The following RYR2 variants were observed in gnomAD, a reference collection of about 807,000 sequenced individuals.
The protein encoded by RYR2 is ryanodine receptor 2, also known as cardiac muscle ryanodine receptor-calcium release channel.
A neutral mutation model predicts 601.1 loss-of-function variants in RYR2; 227 were observed. That is an observed-to-expected ratio of 0.38 (90% CI 0.34 to 0.42). RYR2 has a LOEUF of 0.42. Among genes scored for constraint, RYR2 ranks in the 10% least tolerant of loss-of-function variants. RYR2 has a pLI of 1.00. For synonymous variants in RYR2, 2,223 were observed against 2,175.1 expected (o/e 1.02, Z -0.61); for missense variants, 4,646 against 6,156.5 (o/e 0.75, Z 8.21).
At chr1:237,664,664 G>A (rs931822661) in intron 56 of RYR2, among the ~76,000 whole-genome samples, 1 of 152,144 alleles carries the variant, frequency 6.6e-6, no homozygotes, top group African/African-American at 2.4e-5. Flanking sequence ...GACAATATGA[G>A]GGAATTATGG....
In RYR2 at chr1:237,447,805, T is replaced by C. The variant is rs538729953; in HGVS notation, c.1292+2283T>C. On this transcript the variant is annotated intron_variant, in intron 14 of 104. Transcript: ENST00000366574. ...TCTCCTCCCTCCTTTCCTTCCCTCC[T>C]TCCTTCCTTCCATCCTTTCCTCCCT... is the stretch of plus-strand genomic sequence containing the variant. Among the ~76,000 whole-genome samples the C allele has an allele frequency of 5.4e-4, 81 of 151,122 alleles. 1 individual carries two copies. The Middle Eastern group carries it at 0.01, about 19-fold the overall frequency.
chr1:237,484,597 G>A (rs899987965), intron 17 of RYR2, among the ~76,000 whole-genome samples: 8 of 152,186 alleles, frequency 5.3e-5, no homozygotes, highest in African/African-American at 1.7e-4. Flanking sequence ...AGCCTACGTA[G>A]AGCACTCTTG....
At chr1:237,390,703 G>A (rs1029933130) in intron 10 of RYR2, among the ~76,000 whole-genome samples, 12 of 151,990 alleles carry the variant, frequency 7.9e-5, no homozygotes, top group African/African-American at 2.9e-4. Context: ...GAAATCTAGG[G>A]GACATTTCAA....
chr1:237,817,942 C>A (rs545668018), intron 100 of RYR2, among the ~76,000 whole-genome samples: 12 of 152,156 alleles, frequency 7.9e-5, no homozygotes, highest in Admixed American at 2.6e-4. Context: ...TTAATTTAGG[C>A]CCTACAGGAT....
chr1:237,059,182 C>T lies in RYR2; in HGVS notation c.48+16613C>T, dbSNP rs140872616. Among the ~76,000 whole-genome samples the T allele has an allele frequency of 2.4e-4, 36 of 152,166 alleles. No homozygotes were observed. In the East Asian group the frequency reaches 6.8e-3, roughly 29 times the overall value. ...TTCCCTCTAAATGGGCAAACTAAAG[C>T]CCACAGTTTTGTTAAGAGGGTGCTG... On this transcript the variant is annotated intron_variant, in intron 1 of 104. Coordinates refer to ENST00000366574, the MANE Select transcript of RYR2 (RefSeq NM_001035.3).
rs199624074 is a variant in RYR2 at position 237,792,141 on chromosome 1, C to T, written c.13600C>T (p.Pro4534Ser). ...TTCTGTGGTTGAAGGAAAGGAGCTC[C>T]CCACGAGAAGTTCAAGTGAAAATGC... is the stretch of plus-strand genomic sequence containing the variant. Reference protein sequence around the residue: ...TSSVVEGKELPTRSSSENAKV... With the variant: ...TSSVVEGKELSTRSSSENAKV... Residue 4534 changes from proline to serine, a missense_variant, in exon 94 of 105, where the codon CCC becomes TCC. Physicochemically the swap from Pro to Ser is moderately conservative, Grantham distance 74. Transcript: ENST00000366574. 1.4e-5 allele frequency: 23 copies of T among 1,606,942 alleles called. No homozygotes were observed. The highest frequency in any genetic ancestry group is 6.8e-5 in the Admixed American group (4 of 58,942).
chr1:237,192,270 G>A (rs1680046828), intron 1 of RYR2, among the ~76,000 whole-genome samples: 1 of 152,064 alleles, frequency 6.6e-6, no homozygotes, highest in African/African-American at 2.4e-5. Context: ...GTGCAATGGT[G>A]TGATCTTGGT....
At chr1:237,148,229 C>A (rs2485581) in intron 1 of RYR2, among the ~76,000 whole-genome samples, 176 of 152,060 alleles carry the variant, frequency 1.2e-3, no homozygotes, top group Middle Eastern at 3.4e-3. Flanking sequence ...GATTGGTTTT[C>A]ACTGAAATAC....
At chr1:237,715,191 T>C (rs528957133) in intron 71 of RYR2, among the ~76,000 whole-genome samples, 45 of 152,208 alleles carry the variant, frequency 3.0e-4, no homozygotes, top group African/African-American at 1.1e-3. Context: ...TTTAAATTAT[T>C]GAGCTGCGCC....
chr1:237,725,294 T>C (rs1476629331), intron 74 of RYR2, among the ~76,000 whole-genome samples: 3 of 152,096 alleles, frequency 2.0e-5, no homozygotes, highest in Non-Finnish European at 4.4e-5. Context: ...AAAGAAATTG[T>C]CGATTATCAA....
At chr1:237,414,376 A>G (rs1704741421) in intron 10 of RYR2, among the ~76,000 whole-genome samples, 1 of 152,214 alleles carries the variant, frequency 6.6e-6, no homozygotes, top group Non-Finnish European at 1.5e-5. Flanking sequence ...TGGACCATCA[A>G]CATCACCTGG....
chr1:237,236,025 A>G (rs1004815692), intron 1 of RYR2, among the ~76,000 whole-genome samples: 2 of 152,234 alleles, frequency 1.3e-5, no homozygotes, highest in African/African-American at 4.8e-5. Flanking sequence ...TGGTGCCTCT[A>G]TGAGCACATA....
At chr1:237,467,187 T>C (rs1660177651) in intron 16 of RYR2, among the ~76,000 whole-genome samples, 1 of 148,100 alleles carries the variant, frequency 6.8e-6, no homozygotes, top group Non-Finnish European at 1.5e-5. Context: ...ATATATTATA[T>C]ATATACCTAT....
intron 86 of RYR2, 62 bp from the exon 87 acceptor site, chr1:237,773,458 G>T: frequency 1.6e-6 from 2 of 1,227,770 alleles, no homozygotes; most frequent in Non-Finnish European, 1.2e-6. Flanking sequence ...TCCAAGACTG[G>T]TTAGTCAATG....
At chr1:237,606,135 G>C (rs200313107) in intron 35 of RYR2, among the ~76,000 whole-genome samples, 29,306 of 151,174 alleles carry the variant, frequency 0.19, 3,129 homozygotes, top group East Asian at 0.46. Flanking sequence ...AAAGAACAAA[G>C]CTGGAGGCAT....
intron 6 of RYR2, among the ~76,000 whole-genome samples, chr1:237,369,924 GT>G (rs1700505407): frequency 6.6e-6 from 1 of 152,062 alleles, no homozygotes; most frequent in African/African-American, 2.4e-5. Flanking sequence ...GTTTTGAAGA[GT>G]TCATTTATTA....
intron 1 of RYR2, among the ~76,000 whole-genome samples, chr1:237,147,234 T>C (rs1367433965): frequency 6.6e-6 from 1 of 152,182 alleles, no homozygotes; most frequent in South Asian, 2.1e-4. Flanking sequence ...AATTAAATGA[T>C]TTTTAGAGCA....
chr1:237,627,835 C>T lies in RYR2; in HGVS notation c.6195C>T (p.Thr2065=), dbSNP rs1244724940. The change falls in exon 41 of 105, where the codon ACC becomes ACT. Residue 2065 remains threonine, a synonymous_variant. Transcript: ENST00000366574. ...SSTLQQLISE[T]MVRWAQESVI... ...CTCTGCAGCAGCTGATTTCTGAGAC[C>T]ATGGTCCGATGGGCTCAGGAGTCTG... The T allele has an allele frequency of 1.2e-6, 2 of 1,608,780 alleles. No individual in the cohort carries two copies. The highest frequency in any genetic ancestry group is 3.4e-5 in the Admixed American group (2 of 59,692).
Position 237,367,216 on chromosome 1 carries a change from C to G in RYR2, c.310-2318C>G, listed in dbSNP as rs190845459. On this transcript the variant is annotated intron_variant, in intron 5 of 104. Coordinates refer to ENST00000366574, the MANE Select transcript of RYR2 (RefSeq NM_001035.3). The stretch of plus-strand genomic sequence containing the variant: ...TCAAGCCATTCTTCTGTCTCAGCCT[C>G]CTGAAAGTAGCTGGGATTACAGGCG... 2.2e-3 allele frequency among the ~76,000 whole-genome samples: 338 copies of G among 152,222 alleles called. 3 individuals carry two copies. Among genetic ancestry groups the G allele is most frequent in the African/African-American group, 7.9e-3 (330 of 41,554 alleles).
Sources: allele counts gnomAD v4.1 joint callset (sites outside exome capture counted in the v4.1 genomes callset), GRCh38; gene constraint gnomAD v4.1.1; transcripts MANE v1.5; gene names NCBI Gene and HGNC (gene_info 2026-07-23, HGNC 2026-07-21).